Variants in CDH18 observed in about 807,000 individuals in gnomAD.
CDH18 encodes the protein cadherin 18.
Under a neutral mutation model 67.9 loss-of-function variants are expected in CDH18, and 31 were observed. The observed-to-expected ratio is 0.46, with a 90% CI of 0.34 to 0.62. The LOEUF (loss-of-function observed/expected upper bound fraction) is 0.62. CDH18 is among the 20% of genes least tolerant of loss of function. The pLI, the probability that CDH18 is intolerant of heterozygous loss-of-function variation, is 0.01. For missense variants in CDH18, 890 were observed against 975.5 expected (o/e 0.91, Z 1.17); for synonymous variants, 362 against 347.2 (o/e 1.04, Z -0.48).
At chr5:20,436,225 A>C (rs894783203) in intron 1 of CDH18, among the ~76,000 whole-genome samples, 1 of 151,992 alleles carries the variant, frequency 6.6e-6, no homozygotes, top group African/African-American at 2.4e-5. Context: ...AACATTTCAA[A>C]TTGCCAGAAA....
intron 2 of CDH18, among the ~76,000 whole-genome samples, chr5:20,113,981 A>G (rs934497516): frequency 1.3e-5 from 2 of 152,220 alleles, no homozygotes; most frequent in Non-Finnish European, 2.9e-5. Context: ...GTTAAGACCT[A>G]CATTATTATT....
intron 1 of CDH18, among the ~76,000 whole-genome samples, chr5:20,523,120 T>C (rs1336412463): frequency 2.6e-5 from 4 of 152,242 alleles, no homozygotes; most frequent in Non-Finnish European, 4.4e-5. Flanking sequence ...TTGTGCATGA[T>C]AGGAGTCACT....
At chr5:20,033,690 A>T (rs2150457076) in intron 2 of CDH18, among the ~76,000 whole-genome samples, 1 of 152,174 alleles carries the variant, frequency 6.6e-6, no homozygotes, top group South Asian at 2.1e-4. Context: ...CAGGTTCTCT[A>T]TATTCTGTCA....
chr5:20,158,820 C>A, intron 2 of CDH18: 1 of 191,764 alleles, frequency 5.2e-6, no homozygotes, highest in South Asian at 1.3e-4. Context: ...ATTCCTAAAT[C>A]AAGTCCCATG....
At chr5:19,820,407 A>T (rs1218419431) in intron 3 of CDH18, among the ~76,000 whole-genome samples, 1 of 152,132 alleles carries the variant, frequency 6.6e-6, no homozygotes, top group Non-Finnish European at 1.5e-5. Flanking sequence ...TCTGTTTGGC[A>T]AAATATCCTG....
At chr5:20,338,771 C>T (rs1371291109) in intron 1 of CDH18, among the ~76,000 whole-genome samples, 1 of 152,140 alleles carries the variant, frequency 6.6e-6, no homozygotes, top group Non-Finnish European at 1.5e-5. Context: ...AGTGAATGGC[C>T]TAGAGCACCC....
intron 2 of CDH18, among the ~76,000 whole-genome samples, chr5:20,032,127 G>A (rs1019274204): frequency 6.6e-6 from 1 of 151,858 alleles, no homozygotes; most frequent in Non-Finnish European, 1.5e-5. Context: ...ATGACAGTAT[G>A]TATGTAGCAG....
chr5:19,499,183 A>G (rs1275591322), intron 11 of CDH18, among the ~76,000 whole-genome samples: 3 of 152,132 alleles, frequency 2.0e-5, no homozygotes, highest in African/African-American at 7.2e-5. Context: ...AGAAAACATT[A>G]CCACTTAGAT....
chr5:19,773,362 T>G (rs12658632), intron 3 of CDH18, among the ~76,000 whole-genome samples: 39,875 of 152,002 alleles, frequency 0.26, 9,105 homozygotes, highest in African/African-American at 0.63. Context: ...AATCTAAAAA[T>G]AGAGATGAAA....
rs754444982 is a variant in CDH18, at chr5:19,721,342, C to T, written c.643+5G>A. 17 of 1,589,806 alleles carry T rather than the reference C, an allele frequency of 1.1e-5. No individual in the cohort carries two copies. Among genetic ancestry groups the T allele is most frequent in the Non-Finnish European group, 4.3e-6 (5 of 1,163,818 alleles). ...TGCATGCGAGTTATGTGTAAATGCA[C>T]TAACCTGTTTTAGGGTCGACGGAGA... On this transcript the variant is annotated splice_donor_5th_base_variant and intron_variant, in intron 5 of 12. Transcript: ENST00000382275.
In CDH18 at chr5:20,383,938, C is replaced by G. The variant is rs1744107478; in HGVS notation, c.-579-128433G>C. Among the ~76,000 whole-genome samples the G allele has an allele frequency of 4.6e-5, 7 of 151,706 alleles. No individual in the cohort carries two copies. The South Asian group carries it at 1.5e-3, about 32-fold the overall frequency. On this transcript the variant is annotated intron_variant, in intron 1 of 14. Transcript: ENST00000507958. ...CAATATCACAACCAGACAAGAATGACTTATGAGAAAAGGGATCTAAAATTT... is the reference window on the plus strand; with the variant it reads ...CAATATCACAACCAGACAAGAATGAGTTATGAGAAAAGGGATCTAAAATTT...
chr5:20,509,641 G>A (rs572370075), intron 1 of CDH18, among the ~76,000 whole-genome samples: 18 of 152,324 alleles, frequency 1.2e-4, no homozygotes, highest in African/African-American at 4.1e-4. Context: ...GGATAGTCTC[G>A]ATCTCCTGAC....
chr5:19,619,804 T>C (rs1037852571), intron 5 of CDH18, among the ~76,000 whole-genome samples: 2 of 152,190 alleles, frequency 1.3e-5, no homozygotes, highest in African/African-American at 4.8e-5. Flanking sequence ...CTATCTCTAC[T>C]GGTAAATTTA....
chr5:19,516,789 C>CAA (rs59380974), intron 10 of CDH18, among the ~76,000 whole-genome samples: 3 of 151,050 alleles, frequency 2.0e-5, no homozygotes, highest in African/African-American at 7.3e-5. Context: ...TTGATCTTTT[C>CAA]AAAAAAAACA....
intron 5 of CDH18, among the ~76,000 whole-genome samples, chr5:19,712,639 TTA>T (rs962156685): frequency 3.0e-4 from 32 of 105,336 alleles, no homozygotes; most frequent in African/African-American, 5.4e-4. Flanking sequence ...AGCTTAAAAT[TTA>T]TATATATATA....
chr5:20,391,169 A>T (rs1744822773), intron 1 of CDH18, among the ~76,000 whole-genome samples: 1 of 152,120 alleles, frequency 6.6e-6, no homozygotes, highest in African/African-American at 2.4e-5. Context: ...AGTTTGTGGC[A>T]AGAACTGCCA....
At chr5:20,333,123 T>TA (rs1478657734) in intron 1 of CDH18, among the ~76,000 whole-genome samples, 11 of 152,228 alleles carry the variant, frequency 7.2e-5, no homozygotes, top group African/African-American at 2.6e-4. Flanking sequence ...ATATAATAGA[T>TA]ATGAGAATTT....
At chr5:19,931,207 A>C (rs1458406348) in intron 2 of CDH18, among the ~76,000 whole-genome samples, 1 of 151,946 alleles carries the variant, frequency 6.6e-6, no homozygotes, top group Non-Finnish European at 1.5e-5. Flanking sequence ...TATTCCTTTT[A>C]GTTCAAATAC....
At chr5:19,895,752 A>G (rs1300565362) in intron 2 of CDH18, among the ~76,000 whole-genome samples, 1 of 152,180 alleles carries the variant, frequency 6.6e-6, no homozygotes, top group Non-Finnish European at 1.5e-5. Context: ...AAATAAGCCA[A>G]ACCCCAAAGG....
Sources: gnomAD v4.1 joint callset for allele counts (sites outside exome capture counted in the v4.1 genomes callset) on GRCh38, gnomAD v4.1.1 for gene constraint, MANE v1.5 for transcripts, NCBI Gene and HGNC (gene_info 2026-07-23, HGNC 2026-07-21) for gene names.